Variants in ENOX1 observed in about 807,000 individuals in gnomAD.
ENOX1 encodes the protein ecto-NOX disulfide-thiol exchanger 1.
Under a neutral mutation model 82.5 loss-of-function variants are expected in ENOX1, and 42 were observed. The ratio of observed to expected loss-of-function variants is 0.51; its 90% CI spans 0.40 to 0.66. The LOEUF (loss-of-function observed/expected upper bound fraction) is 0.66. Ranked by LOEUF, ENOX1 falls within the 30% of genes least tolerant of loss-of-function variation. ENOX1 has a pLI of 0.00. For synonymous variants in ENOX1, 271 were observed against 282.2 expected, an observed-to-expected ratio of 0.96 and a Z score of 0.40; for missense variants, 608 against 811.6, an observed-to-expected ratio of 0.75 and a Z score of 3.05.
intron 2 of ENOX1, among the ~76,000 whole-genome samples, chr13:43,598,951 C>T (rs2081586204): frequency 6.6e-6 from 1 of 152,072 alleles, no homozygotes. Context: ...GTCACTGACC[C>T]ACGTAAATGT....
chr13:43,763,678 A>T (rs974010405), intron 1 of ENOX1, among the ~76,000 whole-genome samples: 3 of 152,200 alleles, frequency 2.0e-5, no homozygotes, highest in Non-Finnish European at 4.4e-5. Context: ...CTTCCTAAGT[A>T]CAATGTCAGA....
At chr13:43,488,457 T>G (rs757141192) in intron 2 of ENOX1, among the ~76,000 whole-genome samples, 1 of 152,174 alleles carries the variant, frequency 6.6e-6, no homozygotes, top group Non-Finnish European at 1.5e-5. Flanking sequence ...GAAAATAAAT[T>G]TCTATTCTTT....
intron 14 of ENOX1, among the ~76,000 whole-genome samples, chr13:43,256,033 C>A (rs2043725391): frequency 6.6e-6 from 1 of 152,124 alleles, no homozygotes; most frequent in Non-Finnish European, 1.5e-5. Flanking sequence ...TGATTTTCAA[C>A]AAAGGTGTCA....
intron 1 of ENOX1, among the ~76,000 whole-genome samples, chr13:43,782,730 C>T (rs1487486498): frequency 1.3e-5 from 2 of 152,136 alleles, no homozygotes; most frequent in African/African-American, 2.4e-5. Flanking sequence ...CACGGAACCT[C>T]AAAATGTATT....
chr13:43,522,337 G>C (rs1263791510), intron 2 of ENOX1, among the ~76,000 whole-genome samples: 4 of 152,010 alleles, frequency 2.6e-5, no homozygotes, highest in Non-Finnish European at 4.4e-5. Flanking sequence ...AATTGTATTA[G>C]TCATTTTATA....
intron 7 of ENOX1, among the ~76,000 whole-genome samples, chr13:43,356,621 TA>T (rs1184199475): frequency 1.3e-5 from 2 of 152,054 alleles, no homozygotes; most frequent in Non-Finnish European, 2.9e-5. Context: ...CTATGATATT[TA>T]AAAAGATCTA....
intron 5 of ENOX1, among the ~76,000 whole-genome samples, chr13:43,399,078 G>T (rs2053336567): frequency 6.6e-6 from 1 of 151,194 alleles, no homozygotes; most frequent in Non-Finnish European, 1.5e-5. Context: ...GTAGGCACTG[G>T]GCCCAGCCCC....
chr13:43,317,922 G>A (rs895225588), intron 11 of ENOX1, among the ~76,000 whole-genome samples: 6 of 151,886 alleles, frequency 4.0e-5, no homozygotes, highest in Admixed American at 6.5e-5. Flanking sequence ...GGAGAATGGC[G>A]TGAACCCGGG....
intron 1 of ENOX1, among the ~76,000 whole-genome samples, chr13:43,695,426 C>T (rs1011296282): frequency 7.0e-6 from 1 of 143,746 alleles, no homozygotes; most frequent in Non-Finnish European, 1.5e-5. Flanking sequence ...TCTCCTTTTA[C>T]TTTTAAAAAA....
At chr13:43,559,466 T>A (rs9525802) in intron 2 of ENOX1, among the ~76,000 whole-genome samples, 58,052 of 152,052 alleles carry the variant, frequency 0.38, 11,958 homozygotes, top group East Asian at 0.77. Flanking sequence ...TAAAACTAAG[T>A]CTATGGAGCC....
intron 1 of ENOX1, among the ~76,000 whole-genome samples, chr13:43,740,140 C>A (rs1007261145): frequency 2.8e-4 from 43 of 152,186 alleles, no homozygotes; most frequent in African/African-American, 1.0e-3. Context: ...GAGGGAACAA[C>A]AGATTCATAA....
chr13:43,475,558 T>C (rs143866269), intron 3 of ENOX1, among the ~76,000 whole-genome samples: 1,554 of 152,278 alleles, frequency 0.01, 20 homozygotes, highest in African/African-American at 0.035. Flanking sequence ...TTCTCAATAC[T>C]TATTAATTAA....
chr13:43,695,606 C>A (rs933493976), intron 1 of ENOX1, among the ~76,000 whole-genome samples: 1 of 151,998 alleles, frequency 6.6e-6, no homozygotes, highest in African/African-American at 2.4e-5. Flanking sequence ...CACCACCGTG[C>A]CCAGCTAATT....
chr13:43,553,872 C>T (rs547241237), intron 2 of ENOX1, among the ~76,000 whole-genome samples: 8 of 152,296 alleles, frequency 5.3e-5, no homozygotes, highest in African/African-American at 7.2e-5. Context: ...TTCAGCCTCC[C>T]GAGCAGCTGG....
intron 2 of ENOX1, among the ~76,000 whole-genome samples, chr13:43,640,986 A>G (rs1411697623): frequency 6.6e-5 from 10 of 152,066 alleles, no homozygotes; most frequent in Admixed American, 6.6e-4. Flanking sequence ...ACAATCTTTC[A>G]CTATTTTTCC....
intron 5 of ENOX1, among the ~76,000 whole-genome samples, chr13:43,367,590 C>T (rs2050932908): frequency 6.6e-6 from 1 of 152,160 alleles, no homozygotes; most frequent in Non-Finnish European, 1.5e-5. Flanking sequence ...TCCCTGGATC[C>T]TTCAGTGAGA....
intron 2 of ENOX1, among the ~76,000 whole-genome samples, chr13:43,487,280 C>G (rs946088813): frequency 2.0e-5 from 3 of 152,036 alleles, no homozygotes; most frequent in African/African-American, 7.2e-5. Context: ...ATTGGAGATC[C>G]TTTCTGTTGG....
In ENOX1 at chr13:43,770,885, T is replaced by C. The variant is rs112130992; in HGVS notation, c.-285+15767A>G. ...CTTCTAAAAACTAGCTATTTACTGA[T>C]TCTGTCTGTCTCTAGTGTGAAATAA... On this transcript the variant is annotated intron_variant, in intron 1 of 16. Transcript: ENST00000690772. 5.8e-3 allele frequency among the ~76,000 whole-genome samples: 882 copies of C among 152,274 alleles called. 8 individuals carry two copies. The highest frequency in any genetic ancestry group is 0.016 in the South Asian group (77 of 4,820).
intron 12 of ENOX1, among the ~76,000 whole-genome samples, chr13:43,294,263 C>T (rs2046169512): frequency 6.6e-6 from 1 of 152,150 alleles, no homozygotes; most frequent in Non-Finnish European, 1.5e-5. Context: ...TAATGGTATC[C>T]TGCAGTTATC....
Sources: gnomAD v4.1 joint callset for allele counts (sites outside exome capture counted in the v4.1 genomes callset) on GRCh38, gnomAD v4.1.1 for gene constraint, MANE v1.5 for transcripts, NCBI Gene and HGNC (gene_info 2026-07-23, HGNC 2026-07-21) for gene names.